Variants in NDUFAF6 observed in about 807,000 individuals in gnomAD.
NDUFAF6 encodes NADH:ubiquinone oxidoreductase complex assembly factor 6.
A neutral mutation model predicts 40.8 loss-of-function variants in NDUFAF6; 45 were observed. That is an observed-to-expected ratio of 1.10 (90% CI 0.87 to 1.42). The LOEUF (loss-of-function observed/expected upper bound fraction) is 1.42. Among genes scored for constraint, NDUFAF6 ranks in the 40% most tolerant of loss-of-function variants. The pLI, the probability that NDUFAF6 is intolerant of heterozygous loss-of-function variation, is 0.00. For missense variants in NDUFAF6, 435 were observed against 418.5 expected (o/e 1.04, Z -0.34); for synonymous variants, 185 against 155.9 (o/e 1.19, Z -1.39).
intron 1 of NDUFAF6, chr8:94,932,079 G>T (rs547387114): frequency 8.1e-6 from 13 of 1,610,010 alleles, no homozygotes; most frequent in Middle Eastern, 1.6e-4. Context: ...CTCTGTGCCC[G>T]TGAGTCTTAT....
intron 2 of NDUFAF6, among the ~76,000 whole-genome samples, chr8:95,005,277 G>C (rs1039909369): frequency 6.6e-6 from 1 of 152,034 alleles, no homozygotes; most frequent in Non-Finnish European, 1.5e-5. Flanking sequence ...ATGTGACAAA[G>C]AGACCGAAAG....
chr8:94,955,567 G>T (rs143528334), upstream of NDUFAF6, among the ~76,000 whole-genome samples: 648 of 152,244 alleles, frequency 4.3e-3, 5 homozygotes, highest in African/African-American at 0.015. Context: ...GAAGTATTTT[G>T]TCTCTAATCA....
intron 1 of NDUFAF6, chr8:94,974,480 C>G (rs1824758159): frequency 6.6e-6 from 1 of 152,176 alleles, no homozygotes; most frequent in African/African-American, 2.4e-5. Flanking sequence ...TGTTCTCCAG[C>G]TTTCAAGATA....
chr8:94,933,762 CA>C (rs200405745), intron 1 of NDUFAF6, among the ~76,000 whole-genome samples: 4 of 118,274 alleles, frequency 3.4e-5, no homozygotes, highest in Non-Finnish European at 3.4e-5. Flanking sequence ...AAGACTCTCT[CA>C]AAAAAAACCC....
intron 1 of NDUFAF6, among the ~76,000 whole-genome samples, chr8:94,923,572 C>T (rs1164159182): frequency 1.3e-5 from 2 of 152,202 alleles, no homozygotes; most frequent in Admixed American, 6.5e-5. Flanking sequence ...TCCTTCATTT[C>T]TGGCTTTTTC....
intron 1 of NDUFAF6, among the ~76,000 whole-genome samples, chr8:94,968,353 G>A (rs185668824): frequency 2.7e-4 from 41 of 152,292 alleles, no homozygotes; most frequent in Middle Eastern, 3.4e-3. Context: ...ATAAACAAAC[G>A]TGTATCATAT....
At chr8:94,896,933 C>G (rs925616546) in intron 1 of NDUFAF6, among the ~76,000 whole-genome samples, 2 of 152,218 alleles carry the variant, frequency 1.3e-5, no homozygotes, top group African/African-American at 4.8e-5. Context: ...AAGCCCATGC[C>G]TTGTCAGTCC....
At chr8:95,041,924 G>C (rs891566090) in intron 4 of NDUFAF6, among the ~76,000 whole-genome samples, 12 of 152,054 alleles carry the variant, frequency 7.9e-5, no homozygotes. Context: ...TACATGTGTA[G>C]AGTATCTGGT....
At chr8:95,117,811 G>A (rs962515059), downstream of NDUFAF6, among the ~76,000 whole-genome samples, 4 of 152,172 alleles carry the variant, frequency 2.6e-5, no homozygotes, top group Non-Finnish European at 5.9e-5. Context: ...TTAAGATGGT[G>A]GAGTTGTAAG....
rs747074558 is a variant in NDUFAF6 at position 95,032,027 on chromosome 8, T to C, written c.230T>C (p.Leu77Pro). The C allele has an allele frequency of 6.2e-7, 1 of 1,614,180 alleles. No individual in the cohort carries two copies. Among genetic ancestry groups the C allele is most frequent in the Non-Finnish European group, 8.5e-7 (1 of 1,180,000 alleles). ...GATTATGAAGGTTATTTATGCTCCCTGCTGCTCCCTGCAGAATCCCGAAGC... is the reference window on the plus strand; with the variant it reads ...GATTATGAAGGTTATTTATGCTCCCCGCTGCTCCCTGCAGAATCCCGAAGC... ...KRDYEGYLCS[L>P]LLPAESRSSV... The change falls in exon 2 of 9, where the codon CTG (leucine) becomes CCG (proline). Residue 77 changes from leucine to proline, a missense_variant. By Grantham distance (98) the Leu-to-Pro change is moderately conservative. Coordinates refer to ENST00000396124, the MANE Select transcript of NDUFAF6 (RefSeq NM_152416.4).
chr8:95,057,855 A>G lies in NDUFAF6; in HGVS notation c.920A>G (p.Asp307Gly), dbSNP rs375352638. 38 of 1,610,782 alleles carry G rather than the reference A, an allele frequency of 2.4e-5. No homozygotes were observed. The highest frequency in any genetic ancestry group is 3.1e-5 in the Non-Finnish European group (36 of 1,177,704). The change falls in exon 9 of 9, where the codon GAT (aspartate) becomes GGT (glycine). Residue 307 changes from aspartate to glycine, a missense_variant. By Grantham distance (94) the Asp-to-Gly change is moderately conservative. Transcript: ENST00000396124. ...AAGAAAATTCAGCGAGTGGATTTTG[A>G]TATATTCCACCCATCTTTACAGCAG... ...FLKKIQRVDF[D>G]IFHPSLQQKN...
chr8:95,109,595 G>T (rs5010826), intron 4 of NDUFAF6, among the ~76,000 whole-genome samples: 2,177 of 19,726 alleles, frequency 0.11, 51 homozygotes, highest in East Asian at 0.43. Flanking sequence ...GATAGAGAGA[G>T]AGAGAGAGAG....
intron 2 of NDUFAF6, among the ~76,000 whole-genome samples, chr8:94,990,076 A>G (rs187752217): frequency 2.6e-4 from 40 of 152,084 alleles, no homozygotes; most frequent in Non-Finnish European, 4.4e-5. Flanking sequence ...GCTATGATTC[A>G]CTCTATCTTC....
At chr8:95,090,927 TCGG>T (rs1471065178) in intron 2 of NDUFAF6, among the ~76,000 whole-genome samples, 1 of 152,286 alleles carries the variant, frequency 6.6e-6, no homozygotes, top group East Asian at 1.9e-4. Context: ...GTTTTGAGAC[TCGG>T]ACTGCCTCTC....
intron 1 of NDUFAF6, among the ~76,000 whole-genome samples, chr8:94,967,927 C>T (rs573166615): frequency 1.1e-4 from 14 of 132,460 alleles, no homozygotes; most frequent in Admixed American, 8.8e-4. Context: ...TGCGACAGAG[C>T]GAGACTCTGT....
chr8:95,109,831 A>C (rs1809947218), intron 4 of NDUFAF6, among the ~76,000 whole-genome samples: 2 of 152,310 alleles, frequency 1.3e-5, no homozygotes, highest in South Asian at 4.1e-4. Flanking sequence ...TAAAGTGAAA[A>C]TGACTTATCC....
intron 8 of NDUFAF6, among the ~76,000 whole-genome samples, chr8:95,054,874 T>A (rs1477438695): frequency 6.6e-6 from 1 of 152,252 alleles, no homozygotes; most frequent in Non-Finnish European, 1.5e-5. Context: ...CATCTGTTAA[T>A]TATTTTGTTC....
At chr8:94,941,326 GTTCT>G (rs1821510671) in intron 1 of NDUFAF6, among the ~76,000 whole-genome samples, 3 of 151,902 alleles carry the variant, frequency 2.0e-5, no homozygotes, top group African/African-American at 7.3e-5. Context: ...GAAAGAGTTG[GTTCT>G]TTTTCATATT....
intron 1 of NDUFAF6, among the ~76,000 whole-genome samples, chr8:94,976,283 A>G (rs1280025253): frequency 6.6e-6 from 1 of 151,840 alleles, no homozygotes; most frequent in Non-Finnish European, 1.5e-5. Flanking sequence ...AGGCAGGCGG[A>G]TCACGAGGTC....
Sources: gnomAD v4.1 joint callset for allele counts (sites outside exome capture counted in the v4.1 genomes callset) on GRCh38, gnomAD v4.1.1 for gene constraint, MANE v1.5 for transcripts, NCBI Gene and HGNC (gene_info 2026-07-23, HGNC 2026-07-21) for gene names.